AXIN1: variants seen among roughly 807,000 people sequenced by gnomAD.
AXIN1 encodes the protein axin-1.
In AXIN1, 30 loss-of-function variants were observed where a neutral mutation model predicts 76.4. The ratio of observed to expected loss-of-function variants is 0.39; its 90% confidence interval spans 0.29 to 0.53. AXIN1 has a LOEUF of 0.53. AXIN1 is among the 20% of genes least tolerant of loss of function. The pLI is 0.66. For missense variants in AXIN1, 1,140 were observed against 1,198.8 expected, an observed-to-expected ratio of 0.95 and a Z score of 0.72; for synonymous variants, 545 against 501.4, an observed-to-expected ratio of 1.09 and a Z score of -1.16.
rs757610038 is a variant in AXIN1, at chr16:304,308, C to T, written c.1250G>A (p.Arg417His). The change falls in exon 5 of 11, where the codon CGC becomes CAC. Residue 417 changes from arginine (R) to histidine (H), a missense_variant. By Grantham distance (29) the Arg-to-His change is conservative. Transcript: ENST00000262320. ...EKLEERLKRV[R>H]MEEEGEDGDP... ...ACACCGACGCGGCCCACTCACCATG[C>T]GCACGCGCTTCAGCCGCTCCTCCAG... The T allele has an allele frequency of 3.8e-5, 61 of 1,611,560 alleles. No individual in the cohort carries two copies. Among genetic ancestry groups the T allele is most frequent in the Non-Finnish European group, 4.2e-5 (49 of 1,179,788 alleles).
chr16:327,035 G>A (rs764162332), intron 2 of AXIN1, among the ~76,000 whole-genome samples: 41 of 152,110 alleles, frequency 2.7e-4, no homozygotes, highest in Admixed American at 5.2e-4. Flanking sequence ...CCAGCTACTC[G>A]GGAGCCTGAG....
intron 2 of AXIN1, among the ~76,000 whole-genome samples, chr16:322,635 T>G (rs3848364): frequency 0.4 from 60,121 of 152,044 alleles, 15,840 homozygotes; most frequent in African/African-American, 0.76. Flanking sequence ...TGCCCCTCAA[T>G]ACCCCATCCA....
At chr16:288,396 G>C in intron 10 of AXIN1, 148 bp from the exon 11 acceptor site, 1 of 1,183,262 alleles carries the variant, frequency 8.5e-7, no homozygotes, top group Non-Finnish European at 1.2e-6. Context: ...CCCCCTCCCA[G>C]GGCAACAGTG....
chr16:293,439 G>T lies in AXIN1; in HGVS notation c.2186+49C>A, dbSNP rs374253557. The T allele has an allele frequency of 1.3e-6, 2 of 1,571,136 alleles. No homozygotes were observed. The highest frequency in any genetic ancestry group is 1.7e-6 in the Non-Finnish European group (2 of 1,151,868). On this transcript the variant is annotated intron_variant, in intron 8 of 10. Coordinates refer to ENST00000262320, the MANE Select transcript of AXIN1 (RefSeq NM_003502.4). The surrounding 1 kb of genome is among the most constrained non-coding windows in gnomAD (Gnocchi z 4.6). ...TCGGGGAGCTTCAGCCCCAGGAGTG[G>T]TGCTGTGGTAACCCCCAAGACCCAC...
chr16:321,063 C>T (rs911599833), intron 2 of AXIN1, among the ~76,000 whole-genome samples: 1 of 152,090 alleles, frequency 6.6e-6, no homozygotes, highest in African/African-American at 2.4e-5. Flanking sequence ...TGCCAAAAGA[C>T]CACCTGGTGT....
Position 287,898 on chromosome 16 carries a change from G to C in AXIN1, c.*224C>G, listed in dbSNP as rs1233826328. The C allele has an allele frequency of 4.4e-6, 3 of 674,736 alleles. No individual in the cohort carries two copies. Among genetic ancestry groups the C allele is most frequent in the Non-Finnish European group, 7.6e-6 (3 of 392,434 alleles). 41.8% of individuals were successfully genotyped at this position (674,736 alleles called of 1,614,324 possible). On this transcript the variant is annotated 3_prime_UTR_variant, in exon 11 of 11. Transcript: ENST00000262320. Reference sequence around the variant, plus strand: ...ACTTGGGCTGGGCCCTCCAAGTATTGCTATGAGGAGTGGTCCAGGCTGCCT... The same window carrying C: ...ACTTGGGCTGGGCCCTCCAAGTATTCCTATGAGGAGTGGTCCAGGCTGCCT...
intron 2 of AXIN1, among the ~76,000 whole-genome samples, chr16:341,527 G>C (rs1045998108): frequency 6.6e-6 from 1 of 152,256 alleles, no homozygotes; most frequent in Admixed American, 6.5e-5. Context: ...GCTGCAGCCC[G>C]CCATGCCTAA....
At chr16:288,695 C>G (rs886235778) in intron 10 of AXIN1, among the ~76,000 whole-genome samples, 1 of 152,246 alleles carries the variant, frequency 6.6e-6, no homozygotes, top group Non-Finnish European at 1.5e-5. Flanking sequence ...CTCTTGGGGT[C>G]AGGCCCCCTC....
intron 2 of AXIN1, among the ~76,000 whole-genome samples, chr16:325,495 G>A (rs994901319): frequency 6.6e-6 from 1 of 152,230 alleles, no homozygotes; most frequent in African/African-American, 2.4e-5. Flanking sequence ...AGCGGGCAGA[G>A]TTGACCCCGA....
intron 4 of AXIN1, among the ~76,000 whole-genome samples, chr16:307,068 T>A (rs1391847885): frequency 1.3e-5 from 2 of 152,112 alleles, no homozygotes; most frequent in Non-Finnish European, 2.9e-5. Context: ...CACACAGGAA[T>A]GGGAGCTGCC....
rs150183959 is a variant in AXIN1 at position 289,507 on chromosome 16, G to C, written c.2395C>G (p.Leu799Val). 6.2e-7 allele frequency: 1 copy of C among 1,612,882 alleles called. No homozygotes were observed. Among genetic ancestry groups the C allele is most frequent in the African/African-American group, 1.3e-5 (1 of 74,932 alleles). ...AGGGTGACAGCGCGGCCCCTCACCA[G>C]GGTGCGGTAGGGGATGGGTTCCCCG... ...FCGEPIPYRT[L>V]VRGRAVTLGQ... Residue 799 changes from leucine to valine, a missense_variant, in exon 10 of 11, where the codon CTG becomes GTG. This residue lies in a region of AXIN1 where 429 missense variants were observed against 405.8 expected (regional missense o/e 1.06). Coordinates refer to ENST00000262320, the MANE Select transcript of AXIN1 (RefSeq NM_003502.4).
intron 2 of AXIN1, among the ~76,000 whole-genome samples, chr16:337,006 C>A (rs3859152): frequency 0.068 from 10,213 of 150,880 alleles, 360 homozygotes; most frequent in African/African-American, 0.078. Flanking sequence ...AAAAATTAGC[C>A]GGGCATGGTG....
chr16:307,924 T>G (rs536755671), intron 4 of AXIN1, among the ~76,000 whole-genome samples: 14 of 152,326 alleles, frequency 9.2e-5, no homozygotes, highest in African/African-American at 3.4e-4. Context: ...GCTGTGCCCG[T>G]GATGTGGGTT....
At chr16:321,070 G>T (rs539185933) in intron 2 of AXIN1, among the ~76,000 whole-genome samples, 60 of 152,144 alleles carry the variant, frequency 3.9e-4, no homozygotes, top group Non-Finnish European at 7.8e-4. Context: ...AGACCACCTG[G>T]TGTGACGGAT....
At chr16:291,044 ATGCCACGGG>A in intron 9 of AXIN1, 137 bp downstream of exon 9, 1 of 758,004 alleles carries the variant, frequency 1.3e-6, no homozygotes, top group Non-Finnish European at 2.3e-6. Flanking sequence ...TTCGAGTCTG[ATGCCACGGG>A]ACCCTCTCCT....
chr16:293,312 GTGGCC>G lies in AXIN1; in HGVS notation c.2186+171_2186+175del. 1.5e-6 allele frequency: 1 copy of G among 666,162 alleles called. No individual in the cohort carries two copies. The allele number at this position is 666,162 out of a possible 1,614,324, so 41.3% of individuals were successfully genotyped here. A position where few individuals can be genotyped will look rare whatever the true frequency, so the allele number is the denominator to read the frequency against. ...AGCCCCAGCCTCCGTCCACCGCAGG[GTGGCC>G]TGCCACGTGGCCCCTCAGTGGTTCT... On this transcript the variant is annotated intron_variant, in intron 8 of 10. Coordinates refer to ENST00000262320, the MANE Select transcript of AXIN1 (RefSeq NM_003502.4). The surrounding 1 kb of genome is among the most constrained non-coding windows in gnomAD (Gnocchi z 4.6).
intron 2 of AXIN1, among the ~76,000 whole-genome samples, chr16:345,230 C>A (rs2054010325): frequency 1.3e-5 from 2 of 152,160 alleles, no homozygotes; most frequent in African/African-American, 4.8e-5. Flanking sequence ...GCCAGGATCG[C>A]CTCAGGGTCC....
chr16:336,700 C>T (rs1342797558), intron 2 of AXIN1, among the ~76,000 whole-genome samples: 1 of 151,700 alleles, frequency 6.6e-6, no homozygotes, highest in Non-Finnish European at 1.5e-5. Flanking sequence ...GTCTGTAATC[C>T]CAGCTACTCA....
chr16:332,322 A>C (rs1224881587), intron 2 of AXIN1, among the ~76,000 whole-genome samples: 2 of 152,032 alleles, frequency 1.3e-5, no homozygotes, highest in East Asian at 3.8e-4. Flanking sequence ...TCACGCCTGT[A>C]ATCCCAGCAC....
Sources: allele counts gnomAD v4.1 joint callset (sites outside exome capture counted in the v4.1 genomes callset), GRCh38; gene constraint gnomAD v4.1.1; regional missense constraint gnomAD v4.1.1; non-coding constraint Gnocchi (gnomAD v3.1); transcripts MANE v1.5; gene names NCBI Gene and HGNC (gene_info 2026-07-23, HGNC 2026-07-21).